Variants in ENTREP2 observed in about 807,000 individuals in gnomAD.
ENTREP2 encodes protein ENTREP2.
chr15:29,153,145 C>CTT, the ENTREP2 span, among the ~76,000 whole-genome samples: 3,115 of 147,666 alleles, frequency 0.021, 108 homozygotes, highest in African/African-American at 0.073. Flanking sequence ...GTAATGTTTA[C>CTT]TTTTTTTTTT....
At chr15:29,535,757 G>A in the ENTREP2 span, among the ~76,000 whole-genome samples, 1 of 150,616 alleles carries the variant, frequency 6.6e-6, no homozygotes, top group Non-Finnish European at 1.5e-5. Context: ...TTTTTTTTGA[G>A]ACAGAGTCTC....
the ENTREP2 span, among the ~76,000 whole-genome samples, chr15:29,587,359 CTG>C: frequency 4.6e-4 from 70 of 152,150 alleles, no homozygotes; most frequent in African/African-American, 1.7e-3. Flanking sequence ...CTGTGAAAGA[CTG>C]TTATACTAGA....
At chr15:29,441,103 T>C in the ENTREP2 span, among the ~76,000 whole-genome samples, 1 of 152,018 alleles carries the variant, frequency 6.6e-6, no homozygotes, top group South Asian at 2.1e-4. Flanking sequence ...TAAAATGGAG[T>C]CCATCCACAC....
chr15:29,461,149 T>C, the ENTREP2 span, among the ~76,000 whole-genome samples: 2 of 152,202 alleles, frequency 1.3e-5, no homozygotes, highest in African/African-American at 2.4e-5. Context: ...TTTGTAAATG[T>C]ATTGCCTTGC....
chr15:29,246,416 TG>T, the ENTREP2 span, among the ~76,000 whole-genome samples: 10 of 132,158 alleles, frequency 7.6e-5, no homozygotes, highest in Middle Eastern at 4.5e-3. Context: ...AAAAAAAGGC[TG>T]GGCGCAGTGG....
the ENTREP2 span, among the ~76,000 whole-genome samples, chr15:29,158,198 C>T: frequency 6.6e-6 from 1 of 152,158 alleles, no homozygotes; most frequent in African/African-American, 2.4e-5. Flanking sequence ...ACAGAAACAC[C>T]AACTCTGACC....
chr15:29,286,400 G>A, the ENTREP2 span, among the ~76,000 whole-genome samples: 1 of 152,162 alleles, frequency 6.6e-6, no homozygotes, highest in African/African-American at 2.4e-5. Flanking sequence ...GAAAATAACA[G>A]CATATGTGGT....
the ENTREP2 span, among the ~76,000 whole-genome samples, chr15:29,320,624 T>C: frequency 2.4e-3 from 370 of 152,064 alleles, no homozygotes; most frequent in African/African-American, 8.3e-3. Flanking sequence ...AGGGCTGCAA[T>C]GGGAAAAATG....
chr15:29,279,893 T>A, the ENTREP2 span, among the ~76,000 whole-genome samples: 3 of 152,142 alleles, frequency 2.0e-5, no homozygotes, highest in Non-Finnish European at 4.4e-5. Flanking sequence ...GTGCCTTTTG[T>A]ACATGGGCAA....
chr15:29,299,663 G>C, the ENTREP2 span, among the ~76,000 whole-genome samples: 1 of 151,936 alleles, frequency 6.6e-6, no homozygotes, highest in Non-Finnish European at 1.5e-5. Flanking sequence ...CCCCCTTTCT[G>C]CCTGTAATTA....
the ENTREP2 span, among the ~76,000 whole-genome samples, chr15:29,489,774 C>CTAGG: frequency 2.0e-5 from 3 of 152,266 alleles, no homozygotes; most frequent in African/African-American, 7.2e-5. Flanking sequence ...GTCCACAAAG[C>CTAGG]TAGGCACATT....
chr15:29,487,482 T>G, the ENTREP2 span, among the ~76,000 whole-genome samples: 3 of 152,198 alleles, frequency 2.0e-5, no homozygotes, highest in South Asian at 6.2e-4. Flanking sequence ...CCTCGCTCTC[T>G]CTATCATGTT....
the ENTREP2 span, among the ~76,000 whole-genome samples, chr15:29,230,226 G>A: frequency 3.3e-5 from 5 of 152,162 alleles, no homozygotes; most frequent in African/African-American, 9.6e-5. Flanking sequence ...CCTCTTAGAT[G>A]TTCTTGGCGT....
chr15:29,135,284 T>C, the ENTREP2 span, among the ~76,000 whole-genome samples: 2 of 152,128 alleles, frequency 1.3e-5, no homozygotes, highest in Non-Finnish European at 2.9e-5. The surrounding 1 kb of genome is among the most constrained non-coding windows in gnomAD (Gnocchi z 7.4). Context: ...TCGGCCTCTC[T>C]AGCAGGATTG....
the ENTREP2 span, among the ~76,000 whole-genome samples, chr15:29,315,929 C>T: frequency 1.4e-5 from 2 of 139,456 alleles, no homozygotes; most frequent in African/African-American, 2.7e-5. Flanking sequence ...AGTATGTGTA[C>T]AGCACATGTG....
chr15:29,543,880 A>G, the ENTREP2 span, among the ~76,000 whole-genome samples: 1 of 151,992 alleles, frequency 6.6e-6, no homozygotes, highest in Non-Finnish European at 1.5e-5. Context: ...GTCTATTACC[A>G]AAATGATGTC....
At chr15:29,559,910 T>C in the ENTREP2 span, among the ~76,000 whole-genome samples, 1 of 152,204 alleles carries the variant, frequency 6.6e-6, no homozygotes, top group African/African-American at 2.4e-5. Context: ...CACATTGACC[T>C]AACCCATATT....
chr15:29,557,322 G>A, the ENTREP2 span, among the ~76,000 whole-genome samples: 1 of 152,278 alleles, frequency 6.6e-6, no homozygotes, highest in African/African-American at 2.4e-5. Flanking sequence ...AGGGAGCAGC[G>A]ACGGGGTTTT....
the ENTREP2 span, among the ~76,000 whole-genome samples, chr15:29,668,394 G>A: frequency 2.0e-5 from 3 of 152,208 alleles, no homozygotes; most frequent in East Asian, 1.9e-4. Context: ...ACCGTGACCC[G>A]GCAATTCCAC....
Sources: gnomAD v4.1 joint callset for allele counts (sites outside exome capture counted in the v4.1 genomes callset) on GRCh38, gnomAD v4.1.1 for gene constraint, Gnocchi (gnomAD v3.1) non-coding constraint, MANE v1.5 for transcripts, NCBI Gene and HGNC (gene_info 2026-07-23, HGNC 2026-07-21) for gene names.